Variants in HDAC4 observed in about 807,000 individuals in gnomAD.
The protein encoded by HDAC4 is histone deacetylase A.
HDAC4 carries 16 observed loss-of-function variants against 135.1 expected under a neutral mutation model. The observed-to-expected ratio is 0.12, with a 90% CI of 0.08 to 0.18. The LOEUF is 0.18. Among genes scored for constraint, HDAC4 ranks in the 10% least tolerant of loss-of-function variants. The pLI is 1.00. For missense variants in HDAC4, 1,143 were observed against 1,511.8 expected, an observed-to-expected ratio of 0.76 and a Z score of 4.05; for synonymous variants, 685 against 653.4, an observed-to-expected ratio of 1.05 and a Z score of -0.74.
chr2:239,294,676 G>A (rs189266786), intron 2 of HDAC4, among the ~76,000 whole-genome samples: 6 of 152,100 alleles, frequency 3.9e-5, no homozygotes, highest in African/African-American at 1.4e-4. Context: ...GCTGGCTCCA[G>A]AACAGGGAGT....
chr2:239,062,058 C>T (rs770666827), intron 24 of HDAC4, among the ~76,000 whole-genome samples: 11 of 151,946 alleles, frequency 7.2e-5, no homozygotes, highest in Non-Finnish European at 2.9e-5. Context: ...CGACTCGGTG[C>T]TGCGCCCACA....
intron 2 of HDAC4, among the ~76,000 whole-genome samples, chr2:239,338,744 C>G (rs1167350741): frequency 6.6e-6 from 1 of 152,154 alleles, no homozygotes; most frequent in Admixed American, 6.5e-5. Flanking sequence ...AGATTCTGAG[C>G]TCAGTCCATC....
intron 22 of HDAC4, among the ~76,000 whole-genome samples, chr2:239,080,117 C>T (rs1056608678): frequency 2.0e-5 from 3 of 148,492 alleles, no homozygotes; most frequent in African/African-American, 5.3e-5. Flanking sequence ...CAGATGAACA[C>T]CGACCCACAC....
In HDAC4 at chr2:239,068,421, C is replaced by CA; in HGVS notation, c.2869+67dup. 1 of 1,120,222 alleles carries CA rather than the reference C, an allele frequency of 8.9e-7. No homozygotes were observed. The highest frequency in any genetic ancestry group is 1.4e-6 in the Non-Finnish European group (1 of 731,212). The allele number at this position is 1,120,222 out of a possible 1,614,324, so 69.4% of individuals were successfully genotyped here. On this transcript the variant is annotated intron_variant, in intron 23 of 26. Coordinates refer to ENST00000543185, the MANE Select transcript of HDAC4 (RefSeq NM_001378414.1). This position sits in a 1 kb window ranked among gnomAD's most constrained non-coding sequence, Gnocchi z 4.4. Reference sequence around the variant, plus strand: ...TCTCGTTATTAAAAAGGGGACCTGACACGCGGAACACAGCGGATCATGGAC... The same window carrying CA: ...TCTCGTTATTAAAAAGGGGACCTGACAACGCGGAACACAGCGGATCATGGAC...
intron 24 of HDAC4, among the ~76,000 whole-genome samples, chr2:239,057,177 T>C (rs1185780656): frequency 2.0e-5 from 3 of 152,190 alleles, no homozygotes; most frequent in Admixed American, 2.0e-4. Flanking sequence ...TGAGGGGGGA[T>C]ATGAGGAACT....
intron 11 of HDAC4, among the ~76,000 whole-genome samples, chr2:239,132,764 G>C (rs1234665210): frequency 6.6e-6 from 1 of 152,240 alleles, no homozygotes; most frequent in Admixed American, 6.5e-5. Flanking sequence ...AGAATAAACT[G>C]ATTTAGAGAA....
At chr2:239,124,278 G>A (rs1050112671) in intron 12 of HDAC4, among the ~76,000 whole-genome samples, 2 of 152,178 alleles carry the variant, frequency 1.3e-5, no homozygotes, top group Non-Finnish European at 2.9e-5. Flanking sequence ...CTAAGAAGAG[G>A]CGCTGTTCCC....
intron 2 of HDAC4, among the ~76,000 whole-genome samples, chr2:239,290,805 G>A (rs550728569): frequency 1.3e-5 from 2 of 152,356 alleles, no homozygotes; most frequent in Admixed American, 1.3e-4. Flanking sequence ...GCACTATGGG[G>A]AGGGCCGGGG....
rs913751439 is a variant in HDAC4 at position 239,349,926 on chromosome 2, G to A, written c.22+2752C>T. 6.6e-6 allele frequency among the ~76,000 whole-genome samples: 1 copy of A among 152,220 alleles called. No homozygotes were observed. Among genetic ancestry groups the A allele is most frequent in the Non-Finnish European group, 1.5e-5 (1 of 68,040 alleles). ...CTCCAACCCACTGAGAGAGAGAATG[G>A]AGAGGTCGTGGGTGGCAATAAGGCG... On this transcript the variant is annotated intron_variant, in intron 2 of 26. Transcript: ENST00000543185. The surrounding 1 kb of genome is among the most constrained non-coding windows in gnomAD (Gnocchi z 5.7).
At chr2:239,233,132 T>C (rs2047692590) in intron 3 of HDAC4, among the ~76,000 whole-genome samples, 1 of 152,276 alleles carries the variant, frequency 6.6e-6, no homozygotes. Context: ...CAAATGGTTA[T>C]GTGTTTTCTT....
intron 18 of HDAC4, 197 bp downstream of exon 18, chr2:239,089,812 C>T (rs2036332162): frequency 1.6e-6 from 1 of 614,206 alleles, no homozygotes; most frequent in South Asian, 1.8e-5. Context: ...CTGTACTATG[C>T]ACATACCCTA....
At chr2:239,394,098 G>A (rs760546765) in intron 1 of HDAC4, among the ~76,000 whole-genome samples, 10 of 151,262 alleles carry the variant, frequency 6.6e-5, no homozygotes, top group Non-Finnish European at 1.5e-4. Context: ...CCATTCCCAA[G>A]GGAAAATGCA....
rs191132332 is a variant in HDAC4, at chr2:239,254,424, A to T, written c.23-17760T>A. Among the ~76,000 whole-genome samples the T allele has an allele frequency of 5.3e-5, 8 of 152,296 alleles. No homozygotes were observed. In the South Asian group the frequency reaches 8.3e-4, roughly 16 times the overall value. On this transcript the variant is annotated intron_variant, in intron 2 of 26. Transcript: ENST00000543185. ...AAAGACAACAAGCTGCGCTAAAAAA[A>T]AAAAAAAGTTAAATGAAGAAGAGAA...
intron 2 of HDAC4, among the ~76,000 whole-genome samples, chr2:239,264,471 G>T (rs1559301673): frequency 6.6e-6 from 1 of 152,206 alleles, no homozygotes; most frequent in Non-Finnish European, 1.5e-5. Flanking sequence ...AGATGCAGCG[G>T]TTTATCTTGG....
Position 239,126,514 on chromosome 2 carries a change from T to C in HDAC4, c.1475A>G (p.Gln492Arg), listed in dbSNP as rs1005386129. Residue 492 changes from glutamine to arginine, a missense_variant, in exon 12 of 27, where the codon CAG (glutamine) becomes CGG (arginine). Transcript: ENST00000543185. ...LQHLVIQQQH[Q>R]QFLEKHKQQF... ...CTGCTTGTGTTTCTCCAGAAACTGC[T>C]GATGCTGCTGCTGGATGACCAGGTG... The C allele has an allele frequency of 1.9e-6, 3 of 1,613,490 alleles. No individual in the cohort carries two copies. Among genetic ancestry groups the C allele is most frequent in the African/African-American group, 2.7e-5 (2 of 74,962 alleles).
At chr2:239,074,135 C>T (rs2034500808) in intron 22 of HDAC4, among the ~76,000 whole-genome samples, 1 of 152,222 alleles carries the variant, frequency 6.6e-6, no homozygotes, top group African/African-American at 2.4e-5. Context: ...TTCAACTGTC[C>T]ACATCATCCC....
At chr2:239,371,473 A>C (rs1385040609) in intron 1 of HDAC4, among the ~76,000 whole-genome samples, 1 of 152,174 alleles carries the variant, frequency 6.6e-6, no homozygotes, top group African/African-American at 2.4e-5. Flanking sequence ...CCAGGCACTC[A>C]CACACACTAA....
chr2:239,269,949 G>C (rs957923849), intron 2 of HDAC4, among the ~76,000 whole-genome samples: 2 of 151,940 alleles, frequency 1.3e-5, no homozygotes, highest in Non-Finnish European at 2.9e-5. Flanking sequence ...GGGCTTCATA[G>C]ACAAGAGCAG....
intron 12 of HDAC4, among the ~76,000 whole-genome samples, chr2:239,117,981 G>T (rs931063606): frequency 6.6e-6 from 1 of 152,158 alleles, no homozygotes; most frequent in Non-Finnish European, 1.5e-5. Flanking sequence ...CACGCGAGGC[G>T]GCCTCTCCAG....
Sources: gnomAD v4.1 joint callset for allele counts (sites outside exome capture counted in the v4.1 genomes callset) on GRCh38, gnomAD v4.1.1 for gene constraint, Gnocchi (gnomAD v3.1) non-coding constraint, MANE v1.5 for transcripts, NCBI Gene and HGNC (gene_info 2026-07-23, HGNC 2026-07-21) for gene names.